PRKX: variants seen among roughly 807,000 people sequenced by gnomAD.
PRKX encodes cAMP-dependent protein kinase catalytic subunit PRKX.
In PRKX, 12 loss-of-function variants were observed where a neutral mutation model predicts 22.0. The ratio of observed to expected loss-of-function variants is 0.54; its 90% CI spans 0.35 to 0.88. PRKX has a LOEUF of 0.88. Among genes scored for constraint, PRKX ranks in the 40% least tolerant of loss-of-function variants. The probability of loss-of-function intolerance (pLI) is 0.01; values close to 1 mark genes in which losing one functional copy is unlikely to be tolerated. For synonymous variants in PRKX, 134 were observed against 137.7 expected (o/e 0.97, Z 0.19); for missense variants, 217 against 308.0 (o/e 0.70, Z 2.21).
chrX:3,628,969 G>A (rs1376176856), intron 4 of PRKX, among the ~76,000 whole-genome samples: 2 of 111,299 alleles, frequency 1.8e-5, no homozygotes. Context: ...GAACCTGAGA[G>A]GCAGAGGTTG....
intron 6 of PRKX, among the ~76,000 whole-genome samples, chrX:3,621,032 G>A (rs1433497950): frequency 9.0e-6 from 1 of 111,579 alleles, no homozygotes; most frequent in Non-Finnish European, 1.9e-5. Context: ...GAGATACGGT[G>A]TAGACCCAGT....
intron 3 of PRKX, among the ~76,000 whole-genome samples, chrX:3,653,859 T>TTATATATTATATACTATGTGATATA (rs1927405087): frequency 6.6e-5 from 4 of 60,490 alleles, no homozygotes; most frequent in African/African-American, 2.4e-4. Flanking sequence ...GATATATATA[T>TTATATATTATATACTATGTGATATA]TATATATTAT....
At chrX:3,702,670 G>A (rs1321082946) in intron 1 of PRKX, among the ~76,000 whole-genome samples, 4 of 100,878 alleles carry the variant, frequency 4.0e-5, no homozygotes, top group Non-Finnish European at 8.0e-5. Flanking sequence ...GGAAGACATT[G>A]TATAGAAGGA....
chrX:3,638,965 C>T lies in PRKX; in HGVS notation c.719+2887G>A, dbSNP rs926643272. 2.2e-4 allele frequency among the ~76,000 whole-genome samples: 22 copies of T among 99,218 alleles called. No individual in the cohort carries two copies. In the Admixed American group the frequency reaches 2.3e-3, roughly 10 times the overall value. 86.2% of individuals were successfully genotyped at this position (99,218 alleles called of 115,157 possible). The stretch of plus-strand genomic sequence containing the variant: ...CAGGTAGGTAGGCAGATAAAAAGAT[C>T]GTAGAGATAAAGAGATGGAGAGAGA... On this transcript the variant is annotated intron_variant, in intron 4 of 8. Coordinates refer to ENST00000262848, the MANE Select transcript of PRKX (RefSeq NM_005044.5).
intron 4 of PRKX, among the ~76,000 whole-genome samples, chrX:3,630,370 C>T (rs1257049699): frequency 9.0e-6 from 1 of 110,833 alleles, no homozygotes. Context: ...ACCATCCTGG[C>T]TAACACAGTG....
Position 3,713,082 on chromosome X carries a change from A to C in PRKX, c.166+6T>G. ...GTGGGCCGAGTCCCCGCCCGCACTC[A>C]CTCACCCACGGTGGCCAGCGTGTCA... On this transcript the variant is annotated splice_donor_region_variant and intron_variant, in intron 1 of 8. Coordinates refer to ENST00000262848, the MANE Select transcript of PRKX (RefSeq NM_005044.5). 8.6e-7 allele frequency: 1 copy of C among 1,160,285 alleles called. No individual in the cohort carries two copies. Among genetic ancestry groups the C allele is most frequent in the Non-Finnish European group, 1.1e-6 (1 of 873,138 alleles).
chrX:3,709,203 A>AG (rs1555898893), intron 1 of PRKX, among the ~76,000 whole-genome samples: 84 of 106,564 alleles, frequency 7.9e-4, no homozygotes, highest in African/African-American at 2.8e-3. Flanking sequence ...AAAAAAAAAA[A>AG]GCTGAACGAG....
chrX:3,705,854 AT>A (rs375473905), intron 1 of PRKX, among the ~76,000 whole-genome samples: 2,635 of 104,188 alleles, frequency 0.025, 79 homozygotes, highest in African/African-American at 0.07. Context: ...CACCCGGCTA[AT>A]TTTTTTTTGT....
At chrX:3,711,088 G>A (rs1435010231) in intron 1 of PRKX, among the ~76,000 whole-genome samples, 1 of 111,405 alleles carries the variant, frequency 9.0e-6, no homozygotes, top group African/African-American at 3.3e-5. Context: ...AAACGGGCTT[G>A]GATAAAAGGT....
At position 3,621,319 on chromosome X, in the gene PRKX, A is replaced by G; in HGVS notation, c.816-3T>C. The G allele has an allele frequency of 5.9e-6, 7 of 1,193,715 alleles. No individual in the cohort carries two copies. Among genetic ancestry groups the G allele is most frequent in the Non-Finnish European group, 7.9e-6 (7 of 883,298 alleles). ...CGAGCAGTTTCTTAATGAGGTCTCTATGTTGGGGAAGGAGACAAAAAAAAA... is the reference window on the plus strand; with the variant it reads ...CGAGCAGTTTCTTAATGAGGTCTCTGTGTTGGGGAAGGAGACAAAAAAAAA... On this transcript the variant is annotated splice_region_variant and splice_polypyrimidine_tract_variant and intron_variant, in intron 5 of 8. Transcript: ENST00000262848.
At chrX:3,698,197 C>A (rs1386037935) in intron 1 of PRKX, among the ~76,000 whole-genome samples, 1 of 111,912 alleles carries the variant, frequency 8.9e-6, no homozygotes, top group Non-Finnish European at 1.9e-5. Flanking sequence ...ACCTGTGATG[C>A]GTATGGCTGG....
At chrX:3,692,527 C>CTTTTT (rs34719641) in intron 1 of PRKX, among the ~76,000 whole-genome samples, 1 of 94,107 alleles carries the variant, frequency 1.1e-5, no homozygotes. Context: ...AGCAACTGAA[C>CTTTTT]TTTTTTTTTT....
intron 1 of PRKX, among the ~76,000 whole-genome samples, chrX:3,701,700 G>A (rs896840661): frequency 9.0e-6 from 1 of 111,422 alleles, no homozygotes; most frequent in Admixed American, 9.6e-5. Context: ...TGAGATAGGA[G>A]GTCAGCACAA....
chrX:3,626,933 A>G (rs1926671111), intron 4 of PRKX, among the ~76,000 whole-genome samples: 1 of 111,932 alleles, frequency 8.9e-6, no homozygotes, highest in African/African-American at 3.2e-5. Flanking sequence ...GAGCGAAAAG[A>G]TAAGCACTCC....
chrX:3,648,641 T>C (rs1927245175), intron 3 of PRKX, among the ~76,000 whole-genome samples: 1 of 90,501 alleles, frequency 1.1e-5, no homozygotes, highest in African/African-American at 3.7e-5. Context: ...TGTGTGTGTG[T>C]GTGTGTGTGT....
intron 3 of PRKX, among the ~76,000 whole-genome samples, chrX:3,643,985 C>A (rs1927136099): frequency 9.1e-6 from 1 of 109,945 alleles, no homozygotes; most frequent in Non-Finnish European, 1.9e-5. Context: ...CCCCACCACA[C>A]CTCCATACCC....
chrX:3,688,095 T>C (rs766535310), intron 1 of PRKX, among the ~76,000 whole-genome samples: 29 of 110,868 alleles, frequency 2.6e-4, no homozygotes, highest in Non-Finnish European at 4.5e-4. Flanking sequence ...ATCACACCAC[T>C]GCACTCCAGC....
At chrX:3,610,931 T>TAAAC (rs1351734417) in intron 8 of PRKX, 2 of 111,618 alleles carry the variant, frequency 1.8e-5, no homozygotes, top group African/African-American at 6.5e-5. Flanking sequence ...CAAAAAGAAG[T>TAAAC]AAACACATTC....
At chrX:3,684,569 G>A (rs1402939009) in intron 1 of PRKX, among the ~76,000 whole-genome samples, 2 of 111,367 alleles carry the variant, frequency 1.8e-5, no homozygotes, top group Admixed American at 9.6e-5. Flanking sequence ...CATAATTGTG[G>A]CAGACTTCTA....
Sources: allele counts gnomAD v4.1 joint callset (sites outside exome capture counted in the v4.1 genomes callset), GRCh38; gene constraint gnomAD v4.1.1; transcripts MANE v1.5; gene names NCBI Gene and HGNC (gene_info 2026-07-23, HGNC 2026-07-21).